Variants in TBC1D1 observed in about 807,000 individuals in gnomAD.
The protein encoded by TBC1D1 is TBC1 domain family member 1.
In TBC1D1, 89 loss-of-function variants were observed where a neutral mutation model predicts 125.6. The ratio of observed to expected loss-of-function variants is 0.71; its 90% CI spans 0.60 to 0.85. The LOEUF is 0.85. TBC1D1 is among the 40% of genes least tolerant of loss of function. TBC1D1 has a pLI of 0.00. For synonymous variants in TBC1D1, 565 were observed against 564.1 expected (o/e 1.00, Z -0.02); for missense variants, 1,377 against 1,469.2 (o/e 0.94, Z 1.03).
chr4:38,020,002 T>C (rs966163415), intron 4 of TBC1D1, among the ~76,000 whole-genome samples: 2 of 152,218 alleles, frequency 1.3e-5, no homozygotes, highest in Non-Finnish European at 2.9e-5. Context: ...TTAATACCTA[T>C]GTCTCAAACA....
chr4:37,939,640 G>A (rs1327957505), intron 2 of TBC1D1, among the ~76,000 whole-genome samples: 1 of 152,134 alleles, frequency 6.6e-6, no homozygotes, highest in Admixed American at 6.6e-5. Context: ...TTCTTAGAGG[G>A]TTTTTATGGT....
intron 2 of TBC1D1, among the ~76,000 whole-genome samples, chr4:37,988,789 A>G (rs1253303938): frequency 6.6e-6 from 1 of 152,146 alleles, no homozygotes; most frequent in Non-Finnish European, 1.5e-5. Context: ...CCCCCTCCTC[A>G]GTCAAGGGCA....
chr4:38,030,024 C>T (rs1279210203), intron 7 of TBC1D1, among the ~76,000 whole-genome samples: 5 of 152,238 alleles, frequency 3.3e-5, no homozygotes, highest in African/African-American at 1.2e-4. Flanking sequence ...TGCTGGCCCA[C>T]TTACTGTTCT....
intron 2 of TBC1D1, among the ~76,000 whole-genome samples, chr4:38,011,761 T>A (rs562591886): frequency 1.4e-4 from 22 of 152,304 alleles, no homozygotes; most frequent in African/African-American, 4.8e-4. Flanking sequence ...TGTGTCTTTT[T>A]AAGATTCTGA....
chr4:37,938,157 G>C (rs1349121693), intron 2 of TBC1D1, among the ~76,000 whole-genome samples: 1 of 151,966 alleles, frequency 6.6e-6, no homozygotes, highest in Middle Eastern at 3.2e-3. Context: ...TAGATGGGAG[G>C]GTCGCTTGAG....
At chr4:37,904,965 C>G (rs1229137315) in intron 2 of TBC1D1, among the ~76,000 whole-genome samples, 1 of 152,164 alleles carries the variant, frequency 6.6e-6, no homozygotes, top group Non-Finnish European at 1.5e-5. Context: ...AAATAATTCT[C>G]CAGGTTAAGG....
At chr4:37,897,545 A>G (rs988540109) in intron 1 of TBC1D1, among the ~76,000 whole-genome samples, 4 of 152,238 alleles carry the variant, frequency 2.6e-5, no homozygotes, top group African/African-American at 9.6e-5. Flanking sequence ...ATGTTTTGTC[A>G]ATGAAATGGC....
At chr4:37,927,895 T>A (rs150995242) in intron 2 of TBC1D1, among the ~76,000 whole-genome samples, 1 of 152,176 alleles carries the variant, frequency 6.6e-6, no homozygotes, top group Non-Finnish European at 1.5e-5. Context: ...CTGGGCAACA[T>A]AGCAAATCCC....
intron 3 of TBC1D1, among the ~76,000 whole-genome samples, chr4:38,016,464 GT>G (rs1401624735): frequency 6.6e-6 from 1 of 152,228 alleles, no homozygotes; most frequent in Non-Finnish European, 1.5e-5. Context: ...CTGCTGAAAT[GT>G]TGACATGGAG....
At chr4:38,055,253 C>T (rs1751492004) in intron 12 of TBC1D1, among the ~76,000 whole-genome samples, 2 of 152,142 alleles carry the variant, frequency 1.3e-5, no homozygotes, top group Admixed American at 6.5e-5. Context: ...CCTCTCCTGC[C>T]GTCCTCATGT....
At chr4:37,950,327 T>C (rs1399051973) in intron 2 of TBC1D1, among the ~76,000 whole-genome samples, 3 of 152,136 alleles carry the variant, frequency 2.0e-5, no homozygotes, top group Non-Finnish European at 4.4e-5. Context: ...TATGTGTTAA[T>C]TTGTGTAAAA....
intron 2 of TBC1D1, among the ~76,000 whole-genome samples, chr4:37,986,661 G>A (rs1188926423): frequency 6.6e-6 from 1 of 152,096 alleles, no homozygotes. Context: ...GGCCAGGTTG[G>A]TCTTGAACTC....
intron 2 of TBC1D1, among the ~76,000 whole-genome samples, chr4:37,926,887 C>T (rs969403299): frequency 6.6e-6 from 1 of 152,128 alleles, no homozygotes; most frequent in African/African-American, 2.4e-5. Flanking sequence ...GAGGCCAAGG[C>T]GGGTGGATTG....
chr4:37,978,708 A>G (rs1486348247), intron 2 of TBC1D1, among the ~76,000 whole-genome samples: 1 of 123,806 alleles, frequency 8.1e-6, no homozygotes. Context: ...AGCTGGTGGT[A>G]AAATGAGATG....
chr4:37,893,353 A>T (rs573385595), intron 1 of TBC1D1, among the ~76,000 whole-genome samples: 87 of 152,246 alleles, frequency 5.7e-4, no homozygotes, highest in South Asian at 1.7e-3. Context: ...CCATTTGGGG[A>T]CTTCCTGTAT....
At chr4:38,073,072 C>T (rs890905181) in intron 12 of TBC1D1, among the ~76,000 whole-genome samples, 1 of 152,208 alleles carries the variant, frequency 6.6e-6, no homozygotes, top group Non-Finnish European at 1.5e-5. Context: ...GTGAAGACTG[C>T]AGCTATGAAC....
chr4:38,102,488 C>T (rs1760540050), intron 14 of TBC1D1, among the ~76,000 whole-genome samples: 1 of 151,134 alleles, frequency 6.6e-6, no homozygotes, highest in African/African-American at 2.4e-5. Context: ...AGGAAGGGGC[C>T]AGGGAAGTGA....
chr4:38,111,825 C>T (rs1370063978), intron 15 of TBC1D1: 2 of 475,956 alleles, frequency 4.2e-6, no homozygotes, highest in Admixed American at 6.4e-5. Context: ...TCGTGTAAAA[C>T]GTGGACTGTG....
Position 38,077,277 on chromosome 4 carries a change from C to T in TBC1D1, c.2051-12655C>T, listed in dbSNP as rs1240666300. ...GTGGATCAAATGCTAGACAAAGGAG[C>T]GTACAAGTCTTGTAAGGAAGACAGC... On this transcript the variant is annotated intron_variant, in intron 12 of 19. Transcript: ENST00000261439. Among the ~76,000 whole-genome samples the T allele has an allele frequency of 2.0e-5, 3 of 152,242 alleles. No homozygotes were observed. The East Asian group carries it at 5.8e-4, about 29-fold the overall frequency.
Sources: allele counts gnomAD v4.1 joint callset (sites outside exome capture counted in the v4.1 genomes callset), GRCh38; gene constraint gnomAD v4.1.1; transcripts MANE v1.5; gene names NCBI Gene and HGNC (gene_info 2026-07-23, HGNC 2026-07-21).